The following SLC10A7 variants were observed in gnomAD, a reference collection of about 807,000 sequenced individuals.
SLC10A7 encodes the protein solute carrier family 10 member 7, also known as sodium/bile acid cotransporter 7.
Under a neutral mutation model 43.2 loss-of-function variants are expected in SLC10A7, and 29 were observed. That is an observed-to-expected ratio of 0.67 (90% CI 0.50 to 0.92). The LOEUF (loss-of-function observed/expected upper bound fraction) is 0.92, where lower values mean the gene tolerates loss of function less well. Among genes scored for constraint, SLC10A7 ranks in the 40% least tolerant of loss-of-function variants. SLC10A7 has a pLI of 0.00. For synonymous variants in SLC10A7, 152 were observed against 144.8 expected, an observed-to-expected ratio of 1.05 and a Z score of -0.35; for missense variants, 295 against 403.2, an observed-to-expected ratio of 0.73 and a Z score of 2.30.
At chr4:146,471,592 T>C (rs1044668826) in intron 4 of SLC10A7, among the ~76,000 whole-genome samples, 1 of 152,292 alleles carries the variant, frequency 6.6e-6, no homozygotes, top group Non-Finnish European at 1.5e-5. Flanking sequence ...TTATACATAT[T>C]AAAAGAATGA....
At chr4:146,320,284 C>A (rs541100259) in intron 6 of SLC10A7, among the ~76,000 whole-genome samples, 2 of 151,872 alleles carry the variant, frequency 1.3e-5, no homozygotes, top group East Asian at 1.9e-4. Flanking sequence ...CTTTGCCAGG[C>A]AAATATGAAG....
At chr4:146,505,143 T>A (rs1399060253) in intron 3 of SLC10A7, among the ~76,000 whole-genome samples, 2 of 152,170 alleles carry the variant, frequency 1.3e-5, no homozygotes, top group East Asian at 3.9e-4. Context: ...ACAACATGGA[T>A]TTGAAATGTG....
intron 10 of SLC10A7, among the ~76,000 whole-genome samples, chr4:146,261,341 C>G (rs1728207299): frequency 6.6e-6 from 1 of 152,208 alleles, no homozygotes; most frequent in Non-Finnish European, 1.5e-5. Context: ...GGGCAGTGCC[C>G]CTTCTCAGAT....
intron 5 of SLC10A7, among the ~76,000 whole-genome samples, chr4:146,373,813 T>G (rs1736967481): frequency 6.6e-6 from 1 of 152,148 alleles, no homozygotes; most frequent in Non-Finnish European, 1.5e-5. Flanking sequence ...GTTATTTTAA[T>G]ATACAACCAA....
chr4:146,284,788 C>T (rs977361773), intron 9 of SLC10A7, among the ~76,000 whole-genome samples: 2 of 152,086 alleles, frequency 1.3e-5, no homozygotes, highest in African/African-American at 4.8e-5. Context: ...TTCTTCATCC[C>T]TTTATTCCTC....
At chr4:146,333,115 G>A (rs887858933) in intron 5 of SLC10A7, among the ~76,000 whole-genome samples, 5 of 152,158 alleles carry the variant, frequency 3.3e-5, no homozygotes, top group Admixed American at 6.5e-5. Context: ...AGAGAAAGCA[G>A]TTCTACCTGG....
intron 5 of SLC10A7, among the ~76,000 whole-genome samples, chr4:146,354,563 A>G (rs1001698015): frequency 1.3e-3 from 192 of 148,238 alleles, no homozygotes; most frequent in African/African-American, 4.3e-3. Flanking sequence ...GGAACCAAAA[A>G]AGAGCCCGCA....
intron 5 of SLC10A7, among the ~76,000 whole-genome samples, chr4:146,346,335 G>GA (rs1401820538): frequency 1.1e-4 from 16 of 152,072 alleles, no homozygotes; most frequent in Non-Finnish European, 5.9e-5. Context: ...GGTTATAACA[G>GA]AAAAATACAT....
chr4:146,516,483 T>TACAC (rs1560988247), intron 2 of SLC10A7, among the ~76,000 whole-genome samples: 1 of 148,030 alleles, frequency 6.8e-6, no homozygotes, highest in Non-Finnish European at 1.5e-5. Context: ...TATGTGTATA[T>TACAC]ATATACACAT....
chr4:146,443,773 A>G (rs953870353), intron 4 of SLC10A7, among the ~76,000 whole-genome samples: 2 of 152,242 alleles, frequency 1.3e-5, no homozygotes, highest in Non-Finnish European at 2.9e-5. Flanking sequence ...TCTGCTCCAG[A>G]AGAGGATGCA....
intron 9 of SLC10A7, among the ~76,000 whole-genome samples, chr4:146,287,086 C>T (rs866950168): frequency 6.3e-5 from 2 of 31,758 alleles, no homozygotes; most frequent in East Asian, 2.4e-3. Flanking sequence ...GACTGTGTTT[C>T]GAGTGGTGAG....
At position 146,255,841 on chromosome 4, in the gene SLC10A7, A is replaced by G. The variant is rs1727859819; in HGVS notation, c.*650T>C. 6.6e-6 allele frequency: 1 copy of G among 152,234 alleles called. No individual in the cohort carries two copies. Among genetic ancestry groups the G allele is most frequent in the Non-Finnish European group, 1.5e-5 (1 of 68,038 alleles). The allele number at this position is 152,234 out of a possible 1,614,324, so 9.4% of individuals were successfully genotyped here. A position where few individuals can be genotyped will look rare whatever the true frequency, so the allele number is the denominator to read the frequency against. On this transcript the variant is annotated 3_prime_UTR_variant, in exon 12 of 12. Coordinates refer to ENST00000335472, the MANE Select transcript of SLC10A7 (RefSeq NM_001029998.6). ...TCACATGATTTCACTCATAATTCAA[A>G]CATTCAGACCCTTTCTTTGAAGCAG...
chr4:146,261,363 T>G (rs189741772), intron 10 of SLC10A7, among the ~76,000 whole-genome samples: 16 of 152,368 alleles, frequency 1.1e-4, no homozygotes, highest in Non-Finnish European at 2.1e-4. Flanking sequence ...TCTGAGAACC[T>G]GCTCTGCTGC....
intron 3 of SLC10A7, among the ~76,000 whole-genome samples, chr4:146,506,867 C>T (rs1736959174): frequency 6.6e-6 from 1 of 151,936 alleles, no homozygotes; most frequent in African/African-American, 2.4e-5. Flanking sequence ...ACTACAATTC[C>T]CGAATTTGTA....
At chr4:146,517,233 C>A (rs891343948) in intron 1 of SLC10A7, 113 bp from the exon 2 acceptor site, 4 of 711,848 alleles carry the variant, frequency 5.6e-6, no homozygotes, top group Admixed American at 2.6e-5. Context: ...GAGGCCGAGG[C>A]GAGTAGAGCA....
intron 5 of SLC10A7, among the ~76,000 whole-genome samples, chr4:146,371,278 A>G (rs1400709209): frequency 6.6e-6 from 1 of 152,222 alleles, no homozygotes; most frequent in African/African-American, 2.4e-5. Flanking sequence ...TTTTACTTGC[A>G]TTATAACATA....
At chr4:146,303,683 A>G (rs10011474) in intron 7 of SLC10A7, among the ~76,000 whole-genome samples, 106,988 of 152,042 alleles carry the variant, frequency 0.7, 37,853 homozygotes, top group African/African-American at 0.75. Context: ...CCCAGCCTAT[A>G]CATACATTTT....
chr4:146,504,535 A>G (rs1015545765), intron 3 of SLC10A7, among the ~76,000 whole-genome samples: 16 of 152,060 alleles, frequency 1.1e-4, no homozygotes, highest in East Asian at 5.8e-4. Context: ...AAAAAAAAAA[A>G]AAAGAAAGAT....
intron 1 of SLC10A7, among the ~76,000 whole-genome samples, chr4:146,520,271 A>AGG (rs33929883): frequency 7.9e-5 from 12 of 152,024 alleles, no homozygotes; most frequent in South Asian, 6.2e-4. Flanking sequence ...CTCCGGGGAT[A>AGG]GGGGGTCTTC....
Sources: allele counts gnomAD v4.1 joint callset (sites outside exome capture counted in the v4.1 genomes callset), GRCh38; gene constraint gnomAD v4.1.1; transcripts MANE v1.5; gene names NCBI Gene and HGNC (gene_info 2026-07-23, HGNC 2026-07-21).